Variants in MTUS2 observed in about 807,000 individuals in gnomAD.
MTUS2 encodes microtubule-associated tumor suppressor candidate 2.
In MTUS2, 40 loss-of-function variants were observed where a neutral mutation model predicts 114.1. The observed-to-expected ratio is 0.35, with a 90% CI of 0.27 to 0.46. The LOEUF is 0.46. Among genes scored for constraint, MTUS2 ranks in the 20% least tolerant of loss-of-function variants. The pLI, the probability that MTUS2 is intolerant of heterozygous loss-of-function variation, is 1.00. For missense variants in MTUS2, 1,679 were observed against 1,705.4 expected (o/e 0.98, Z 0.27); for synonymous variants, 688 against 672.0 (o/e 1.02, Z -0.37).
intron 4 of MTUS2, among the ~76,000 whole-genome samples, chr13:29,081,771 TTTTG>T (rs1889454016): frequency 3.5e-3 from 2 of 572 alleles, no homozygotes; most frequent in Non-Finnish European, 9.4e-3. Context: ...GTTATTTTTG[TTTTG>T]TTTTGTTTTG....
chr13:28,991,951 C>G (rs9550430), intron 2 of MTUS2, among the ~76,000 whole-genome samples: 3,357 of 152,276 alleles, frequency 0.022, 49 homozygotes, highest in East Asian at 0.052. Context: ...GGAGCCCAGC[C>G]TAGGCTTGGC....
intron 11 of MTUS2, among the ~76,000 whole-genome samples, chr13:29,490,459 G>T (rs1881978948): frequency 6.6e-6 from 1 of 152,210 alleles, no homozygotes; most frequent in African/African-American, 2.4e-5. Context: ...AATGAGATGG[G>T]CTTCACCCAG....
chr13:29,413,390 G>A (rs972940612), intron 8 of MTUS2, among the ~76,000 whole-genome samples: 14 of 150,382 alleles, frequency 9.3e-5, no homozygotes, highest in Admixed American at 2.0e-4. Context: ...GGACATAGGC[G>A]TGGGCAAGGA....
chr13:29,325,496 A>T, intron 7 of MTUS2, among the ~76,000 whole-genome samples: 1 of 121,364 alleles, frequency 8.2e-6, no homozygotes. Context: ...AAGAGGGAGG[A>T]GGAGGAGGAG....
chr13:29,463,692 G>A lies in MTUS2; in HGVS notation c.3185-16458G>A, dbSNP rs181617753. Among the ~76,000 whole-genome samples, 147 of 152,196 alleles carry A rather than the reference G, an allele frequency of 9.7e-4. 2 individuals carry two copies. The highest frequency in any genetic ancestry group is 1.2e-3 in the Admixed American group (19 of 15,288). On this transcript the variant is annotated intron_variant, in intron 9 of 15. Coordinates refer to ENST00000612955, the MANE Select transcript of MTUS2 (RefSeq NM_001033602.4). ...CCACTTCACCACAGAGCCTCTTCTGGGCAAAGAAAAGGGAGCCTTCAAAAT... is the reference window on the plus strand; with the variant it reads ...CCACTTCACCACAGAGCCTCTTCTGAGCAAAGAAAAGGGAGCCTTCAAAAT...
At position 29,359,332 on chromosome 13, in the gene MTUS2, G is replaced by C; in HGVS notation, c.2976G>C (p.Glu992Asp). The change falls in exon 8 of 16, where the codon GAG becomes GAC. Residue 992 changes from glutamate (E) to aspartate (D), a missense_variant. Coordinates refer to ENST00000612955, the MANE Select transcript of MTUS2 (RefSeq NM_001033602.4). ...CCAAGCCGGACCCGCAGGCCCGTGA[G>C]GCTGAGCGGCAGCTGGTGCTGCGGC... ...FPPKPDPQAR[E>D]AERQLVLRLK... 6.2e-7 allele frequency: 1 copy of C among 1,611,590 alleles called. No homozygotes were observed. The highest frequency in any genetic ancestry group is 1.7e-5 in the Admixed American group (1 of 59,648).
intron 5 of MTUS2, among the ~76,000 whole-genome samples, chr13:29,124,019 A>G (rs1391200934): frequency 6.6e-6 from 1 of 152,236 alleles, no homozygotes; most frequent in Non-Finnish European, 1.5e-5. Context: ...AGAAATGACA[A>G]ATAATTCTCT....
At chr13:28,996,864 G>A (rs951866133) in intron 2 of MTUS2, among the ~76,000 whole-genome samples, 48 of 152,036 alleles carry the variant, frequency 3.2e-4, no homozygotes, top group Admixed American at 1.4e-3. Flanking sequence ...TGGATTCATT[G>A]ATTTTTTTGA....
chr13:29,388,615 G>C (rs1017484794), intron 8 of MTUS2, among the ~76,000 whole-genome samples: 3 of 151,382 alleles, frequency 2.0e-5, no homozygotes, highest in Admixed American at 6.6e-5. Flanking sequence ...AGACTTTCCT[G>C]CTGGGAATCA....
At chr13:29,453,571 C>A (rs1231643456) in intron 9 of MTUS2, among the ~76,000 whole-genome samples, 2 of 151,496 alleles carry the variant, frequency 1.3e-5, no homozygotes, top group East Asian at 3.9e-4. Context: ...GGGTTTGTAA[C>A]CCAGTCAGGG....
chr13:29,425,828 A>T (rs1308642779), intron 8 of MTUS2, among the ~76,000 whole-genome samples: 2 of 152,170 alleles, frequency 1.3e-5, no homozygotes, highest in East Asian at 3.9e-4. Context: ...CTCTGTGCCC[A>T]AGAAGAGAAG....
intron 6 of MTUS2, among the ~76,000 whole-genome samples, chr13:29,287,872 A>C (rs2139564431): frequency 6.6e-6 from 1 of 152,312 alleles, no homozygotes; most frequent in Non-Finnish European, 1.5e-5. Flanking sequence ...TCCTGTCCCC[A>C]CAGGGTTCAC....
chr13:29,350,966 T>TATATATATATATATATATATATATC, intron 7 of MTUS2, among the ~76,000 whole-genome samples: 1 of 23,192 alleles, frequency 4.3e-5, no homozygotes, highest in Non-Finnish European at 1.1e-4. Flanking sequence ...ATTTCATATA[T>TATATATATATATATATATATATATC]ATATATATAT....
At chr13:29,233,177 A>C (rs890419021) in intron 5 of MTUS2, among the ~76,000 whole-genome samples, 6 of 151,956 alleles carry the variant, frequency 3.9e-5, no homozygotes, top group African/African-American at 7.3e-5. Context: ...ACTGTGATGT[A>C]GTTGGATGAT....
chr13:29,186,989 T>A (rs1894252012), intron 5 of MTUS2, among the ~76,000 whole-genome samples: 1 of 151,988 alleles, frequency 6.6e-6, no homozygotes, highest in African/African-American at 2.4e-5. Context: ...ATATAGAAAT[T>A]TAACACATTT....
intron 2 of MTUS2, among the ~76,000 whole-genome samples, chr13:28,929,456 T>C (rs1003538131): frequency 1.3e-5 from 2 of 152,066 alleles, no homozygotes; most frequent in African/African-American, 4.8e-5. Context: ...TATGTATCAA[T>C]AAAAAACATA....
At chr13:28,834,637 A>G (rs1874941211) in intron 1 of MTUS2, among the ~76,000 whole-genome samples, 2 of 152,304 alleles carry the variant, frequency 1.3e-5, no homozygotes, top group African/African-American at 2.4e-5. Context: ...ATTTTCTTAT[A>G]TGTAACAAAA....
chr13:29,425,734 C>T (rs950614340), intron 8 of MTUS2, among the ~76,000 whole-genome samples: 2 of 152,204 alleles, frequency 1.3e-5, no homozygotes, highest in African/African-American at 4.8e-5. Context: ...GAATCTGGGT[C>T]ATGTGCACTG....
chr13:29,066,836 G>A (rs948892702), intron 4 of MTUS2, among the ~76,000 whole-genome samples: 1 of 152,252 alleles, frequency 6.6e-6, no homozygotes, highest in African/African-American at 2.4e-5. Context: ...AGAATGCACA[G>A]GAGGAGAGGA....
Sources: allele counts gnomAD v4.1 joint callset (sites outside exome capture counted in the v4.1 genomes callset), GRCh38; gene constraint gnomAD v4.1.1; transcripts MANE v1.5; gene names NCBI Gene and HGNC (gene_info 2026-07-23, HGNC 2026-07-21).